Variants in SPAG8 observed in about 807,000 individuals in gnomAD.
SPAG8 encodes sperm-associated antigen 8.
Under a neutral mutation model 45.3 loss-of-function variants are expected in SPAG8, and 36 were observed. The observed-to-expected ratio is 0.80, with a 90% confidence interval of 0.61 to 1.05. The LOEUF is 1.05. SPAG8 is among the 50% of genes least tolerant of loss of function. The pLI, the probability that SPAG8 is intolerant of heterozygous loss-of-function variation, is 0.00. For synonymous variants in SPAG8, 227 were observed against 232.6 expected (o/e 0.98, Z 0.22); for missense variants, 573 against 609.2 (o/e 0.94, Z 0.63).
Position 35,810,657 on chromosome 9 carries a change from C to T in SPAG8, c.1065G>A (p.Met355Ile). Reference protein sequence around the residue: ...LRGKREAMLEMLLQHQICKEV... With the variant: ...LRGKREAMLEILLQHQICKEV... ...CTTACCAGATCTGATGCTGCAGGAG[C>T]ATCTCCAGCATGGCTTCACGCTTCC... Residue 355 changes from methionine (M) to isoleucine (I), a missense_variant, in exon 4 of 7, where the codon ATG becomes ATA. Physicochemically the swap from Met to Ile is conservative, Grantham distance 10. Coordinates refer to ENST00000396638, the MANE Select transcript of SPAG8 (RefSeq NM_001039592.2). The T allele has an allele frequency of 6.2e-7, 1 of 1,614,174 alleles. No individual in the cohort carries two copies. The highest frequency in any genetic ancestry group is 1.1e-5 in the South Asian group (1 of 91,080).
rs1828832273 is a variant in SPAG8 at position 35,811,967 on chromosome 9, C to A, written c.79G>T (p.Gly27Trp). 6.3e-7 allele frequency: 1 copy of A among 1,599,924 alleles called. No homozygotes were observed. Among genetic ancestry groups the A allele is most frequent in the Admixed American group, 1.7e-5 (1 of 58,522 alleles). ...GAAGGAAACGGTTCCGAAGTGGGCC[C>A]CAGTCCTTCGGAGCTGGGCTGTATG... is the stretch of plus-strand genomic sequence containing the variant. ...LDIQPSSEGL[G>W]PTSEPFPSSD... The change falls in exon 2 of 7, where the codon GGG (glycine) becomes TGG (tryptophan). Residue 27 changes from glycine to tryptophan, a missense_variant. Physicochemically the swap from Gly to Trp is radical, Grantham distance 184 (BLOSUM62 -2). Transcript: ENST00000396638.
downstream of SPAG8, chr9:35,808,250 T>G (rs754577005): frequency 6.2e-7 from 1 of 1,614,254 alleles, no homozygotes; most frequent in East Asian, 2.2e-5. This position sits in a 1 kb window ranked among gnomAD's most constrained non-coding sequence, Gnocchi z 4.0. Flanking sequence ...GTCCATGTCC[T>G]GCTGCAGACA....
downstream of SPAG8, chr9:35,809,503 G>A (rs1272445861): frequency 4.3e-6 from 7 of 1,612,764 alleles, no homozygotes; most frequent in African/African-American, 6.7e-5. This position sits in a 1 kb window ranked among gnomAD's most constrained non-coding sequence, Gnocchi z 4.1. Context: ...GTGGGCAATG[G>A]CCACCATGTC....
downstream of SPAG8, chr9:35,809,462 A>G (rs556064802): frequency 6.8e-6 from 11 of 1,614,190 alleles, no homozygotes; most frequent in South Asian, 9.9e-5. The surrounding 1 kb of genome is among the most constrained non-coding windows in gnomAD (Gnocchi z 4.1). Flanking sequence ...ATTCTTTCCA[A>G]GTCAGATAGT....
chr9:35,810,946 G>A lies in SPAG8; in HGVS notation c.976C>T (p.Pro326Ser). 1 of 1,614,098 alleles carries A rather than the reference G, an allele frequency of 6.2e-7. No individual in the cohort carries two copies. Residue 326 changes from proline to serine, a missense_variant, in exon 3 of 7, where the codon CCC becomes TCC. Pro to Ser is a moderately conservative substitution (Grantham distance 74). Coordinates refer to ENST00000396638, the MANE Select transcript of SPAG8 (RefSeq NM_001039592.2). ...GAGTCTTTCTGGGTGGTGCTGGAGGGCATGGGTGACTTTAGTTGCATAGTC... is the reference window on the plus strand; with the variant it reads ...GAGTCTTTCTGGGTGGTGCTGGAGGACATGGGTGACTTTAGTTGCATAGTC... ...LLTMQLKSPM[P>S]SSTTQKDSYQ...
downstream of SPAG8, chr9:35,808,345 C>T: frequency 6.8e-7 from 1 of 1,467,570 alleles, no homozygotes; most frequent in Non-Finnish European, 9.5e-7. The surrounding 1 kb of genome is among the most constrained non-coding windows in gnomAD (Gnocchi z 4.0). Context: ...CCCTAGACAT[C>T]TCCTCTCCCC....
rs1171302254 is a variant in SPAG8 at position 35,811,925 on chromosome 9, T to G, written c.121A>C (p.Arg41=). 1.2e-6 allele frequency: 2 copies of G among 1,607,092 alleles called. No homozygotes were observed. The highest frequency in any genetic ancestry group is 4.5e-5 in the East Asian group (2 of 44,648). Residue 41 remains arginine (R), a synonymous_variant, in exon 2 of 7, where the codon AGG becomes CGG. Coordinates refer to ENST00000396638, the MANE Select transcript of SPAG8 (RefSeq NM_001039592.2). Reference sequence around the variant, plus strand: ...GCGGTTGCAGCTGCCAGGGCCGACCTGGGACTGTCATCTGAAGAAGGAAAC... The same window carrying G: ...GCGGTTGCAGCTGCCAGGGCCGACCGGGGACTGTCATCTGAAGAAGGAAAC... ...EPFPSSDDSP[R]SALAAATAAA...
At chr9:35,810,709 G>A in intron 3 of SPAG8, 27 bp from the exon 4 acceptor site, 5 of 1,614,024 alleles carry the variant, frequency 3.1e-6, no homozygotes, top group Non-Finnish European at 4.2e-6. Flanking sequence ...GGGTGGGCAA[G>A]GTGGGGTCTG....
At chr9:35,808,015 G>GTGTGTATTTCCTAAAAACTTCAC, downstream of SPAG8, 1 of 634,540 alleles carries the variant, frequency 1.6e-6, no homozygotes. This position sits in a 1 kb window ranked among gnomAD's most constrained non-coding sequence, Gnocchi z 4.0. Flanking sequence ...TAAATACTTA[G>GTGTGTATTTCCTAAAAACTTCAC]TGTGTATTTC....
downstream of SPAG8, chr9:35,809,301 T>C: frequency 1.2e-6 from 2 of 1,610,228 alleles, no homozygotes; most frequent in East Asian, 4.5e-5. This position sits in a 1 kb window ranked among gnomAD's most constrained non-coding sequence, Gnocchi z 4.1. Flanking sequence ...AAAGTGATTA[T>C]GGGAATCATA....
downstream of SPAG8, chr9:35,808,244 A>G: frequency 6.2e-7 from 1 of 1,614,128 alleles, no homozygotes; most frequent in Non-Finnish European, 8.5e-7. This position sits in a 1 kb window ranked among gnomAD's most constrained non-coding sequence, Gnocchi z 4.0. Flanking sequence ...CTATTTGTCC[A>G]TGTCCTGCTG....
chr9:35,808,768 T>G (rs539452309), downstream of SPAG8: 256 of 1,613,664 alleles, frequency 1.6e-4, 3 homozygotes, highest in South Asian at 2.8e-3. This position sits in a 1 kb window ranked among gnomAD's most constrained non-coding sequence, Gnocchi z 4.0. Context: ...CAGTCTGTGC[T>G]GGGGTTGTTG....
At chr9:35,810,412 G>A (rs752882896) in intron 5 of SPAG8, 27 bp downstream of exon 5, 1 of 1,609,614 alleles carries the variant, frequency 6.2e-7, no homozygotes, top group Non-Finnish European at 8.5e-7. Flanking sequence ...TGGTGCAAGT[G>A]GCGGGGGATG....
Position 35,811,783 on chromosome 9 carries a change from G to A in SPAG8, c.263C>T (p.Ser88Phe). 1 of 1,614,234 alleles carries A rather than the reference G, an allele frequency of 6.2e-7. No homozygotes were observed. The highest frequency in any genetic ancestry group is 8.5e-7 in the Non-Finnish European group (1 of 1,180,026). Residue 88 changes from serine to phenylalanine, a missense_variant, in exon 2 of 7, where the codon TCT (serine) becomes TTT (phenylalanine). By Grantham distance (155) the Ser-to-Phe change is radical. Transcript: ENST00000396638. ...GGGCTCCCCAAGAAGGCTGGGGTCA[G>A]AGGACGGCTCCATGAACTCAGAACA... ...APCSEFMEPSSDPSLLGEPCA... is the reference protein window; with the variant it reads ...APCSEFMEPSFDPSLLGEPCA...
At chr9:35,812,024 T>C in intron 1 of SPAG8, 23 bp from the exon 2 acceptor site, 2 of 1,608,514 alleles carry the variant, frequency 1.2e-6, no homozygotes, top group East Asian at 2.2e-5. Context: ...AAACACGACA[T>C]GGCTGTCAAA....
downstream of SPAG8, chr9:35,808,456 C>G: frequency 1.3e-6 from 2 of 1,580,084 alleles, no homozygotes; most frequent in Admixed American, 1.7e-5. This position sits in a 1 kb window ranked among gnomAD's most constrained non-coding sequence, Gnocchi z 4.0. Context: ...TCTACTTTTT[C>G]CCATCCCCAT....
downstream of SPAG8, chr9:35,809,732 T>C (rs1828665872): frequency 7.5e-7 from 1 of 1,332,644 alleles, no homozygotes; most frequent in Non-Finnish European, 1.1e-6. The surrounding 1 kb of genome is among the most constrained non-coding windows in gnomAD (Gnocchi z 4.1). Flanking sequence ...TCTGATGTCA[T>C]AGTGTGGGAT....
downstream of SPAG8, chr9:35,808,653 C>G: frequency 1.9e-6 from 3 of 1,614,162 alleles, no homozygotes; most frequent in Non-Finnish European, 2.5e-6. This position sits in a 1 kb window ranked among gnomAD's most constrained non-coding sequence, Gnocchi z 4.0. Flanking sequence ...ACCCCATGAC[C>G]AGCTGAGGCT....
downstream of SPAG8, chr9:35,808,042 G>T: frequency 2.8e-6 from 2 of 714,498 alleles, no homozygotes; most frequent in South Asian, 1.7e-5. The surrounding 1 kb of genome is among the most constrained non-coding windows in gnomAD (Gnocchi z 4.0). Context: ...ACTTCACTGT[G>T]TATTTCCTTA....
Sources: allele counts gnomAD v4.1 joint callset, GRCh38; gene constraint gnomAD v4.1.1; non-coding constraint Gnocchi (gnomAD v3.1); transcripts MANE v1.5; gene names NCBI Gene and HGNC (gene_info 2026-07-23, HGNC 2026-07-21).